Variants in DMD observed in about 807,000 individuals in gnomAD.
DMD encodes the protein dystrophin, also known as mutant dystrophin.
A neutral mutation model predicts 330.1 loss-of-function variants in DMD; 63 were observed. That is an observed-to-expected ratio of 0.19 (90% CI 0.16 to 0.24). DMD has a LOEUF of 0.24. DMD is among the 10% of genes least tolerant of loss of function. The pLI is 1.00. For synonymous variants in DMD, 1,223 were observed against 959.8 expected (o/e 1.27, Z -5.07); for missense variants, 3,344 against 2,684.1 (o/e 1.25, Z -5.43).
At chrX:31,767,159 CCAAA>C (rs1569373024) in intron 51 of DMD, among the ~76,000 whole-genome samples, 2 of 111,489 alleles carry the variant, frequency 1.8e-5, no homozygotes, top group African/African-American at 6.5e-5. Context: ...ATATCTTCAG[CCAAA>C]CAGATTACAA....
chrX:32,069,565 A>G (rs12688349), intron 44 of DMD, among the ~76,000 whole-genome samples: 2 of 111,870 alleles, frequency 1.8e-5, no homozygotes, highest in African/African-American at 3.2e-5. Context: ...ATGCTTTTCT[A>G]TAACATAGTT....
intron 2 of DMD, among the ~76,000 whole-genome samples, chrX:32,979,103 A>G (rs2092635107): frequency 2.7e-5 from 3 of 112,232 alleles, no homozygotes; most frequent in Admixed American, 1.9e-4. Flanking sequence ...AATTACCAAC[A>G]TATGATCTCC....
At chrX:31,604,346 G>A (rs1431292944) in intron 55 of DMD, among the ~76,000 whole-genome samples, 1 of 111,303 alleles carries the variant, frequency 9.0e-6, no homozygotes, top group Admixed American at 9.6e-5. Flanking sequence ...CTGATAAGTG[G>A]ATTCAATGAT....
At chrX:33,098,827 G>A (rs2095205289) in intron 1 of DMD, among the ~76,000 whole-genome samples, 1 of 111,554 alleles carries the variant, frequency 9.0e-6, no homozygotes, top group Non-Finnish European at 1.9e-5. Context: ...CCATTGGCTG[G>A]AACAGGACCA....
chrX:31,181,085 G>C (rs1000121569), intron 68 of DMD, among the ~76,000 whole-genome samples: 2 of 111,703 alleles, frequency 1.8e-5, no homozygotes, highest in Non-Finnish European at 3.8e-5. Flanking sequence ...ACCTACAAAT[G>C]ATAACTGAAG....
intron 62 of DMD, among the ~76,000 whole-genome samples, chrX:31,309,504 T>G (rs1472635025): frequency 8.9e-6 from 1 of 111,757 alleles, no homozygotes; most frequent in Non-Finnish European, 1.9e-5. Context: ...CTCCTTTTTT[T>G]CCCCTCTTGC....
intron 2 of DMD, among the ~76,000 whole-genome samples, chrX:32,983,904 T>C (rs1400932683): frequency 9.0e-6 from 1 of 111,546 alleles, no homozygotes; most frequent in East Asian, 2.8e-4. Context: ...AGCAATCTTA[T>C]TTTTAAAAAA....
At chrX:31,687,291 A>G (rs2082747706) in intron 52 of DMD, among the ~76,000 whole-genome samples, 1 of 110,720 alleles carries the variant, frequency 9.0e-6, no homozygotes, top group Non-Finnish European at 1.9e-5. Context: ...GTAGACAGAA[A>G]AGTAAAGGGG....
At chrX:32,378,058 C>T (rs1215074349) in intron 34 of DMD, among the ~76,000 whole-genome samples, 1 of 110,293 alleles carries the variant, frequency 9.1e-6, no homozygotes, top group Non-Finnish European at 1.9e-5. Flanking sequence ...ACCTTTATGA[C>T]CCTCCCATTT....
At chrX:32,167,579 A>AGTT (rs1049027925) in intron 44 of DMD, among the ~76,000 whole-genome samples, 1 of 112,390 alleles carries the variant, frequency 8.9e-6, no homozygotes, top group African/African-American at 3.2e-5. Context: ...AGTTAGTCTG[A>AGTT]GTTACAAATG....
At chrX:32,383,636 TG>T (rs1358106076) in intron 33 of DMD, among the ~76,000 whole-genome samples, 1 of 110,777 alleles carries the variant, frequency 9.0e-6, no homozygotes, top group Non-Finnish European at 1.9e-5. Context: ...CTGTATTCTG[TG>T]ATACTATTAA....
chrX:31,321,576 T>C (rs1601849513), intron 62 of DMD, among the ~76,000 whole-genome samples: 1 of 30,388 alleles, frequency 3.3e-5, no homozygotes. Flanking sequence ...AGAGTGAAAC[T>C]CCATCTCAAA....
At chrX:31,642,748 G>C (rs2079846306) in intron 54 of DMD, among the ~76,000 whole-genome samples, 1 of 111,527 alleles carries the variant, frequency 9.0e-6, no homozygotes, top group African/African-American at 3.3e-5. Context: ...AAGAAATAAA[G>C]TTGACCACAG....
intron 11 of DMD, among the ~76,000 whole-genome samples, chrX:32,627,991 G>C (rs185207923): frequency 9.1e-6 from 1 of 109,964 alleles, no homozygotes; most frequent in Admixed American, 9.7e-5. Flanking sequence ...TATGACATTA[G>C]GGTTAATAGG....
At chrX:32,288,895 C>A (rs941009635) in intron 42 of DMD, among the ~76,000 whole-genome samples, 6 of 111,015 alleles carry the variant, frequency 5.4e-5, no homozygotes, top group Non-Finnish European at 9.4e-5. Flanking sequence ...TTCCTGTGAA[C>A]CTGCCAGTGA....
chrX:33,076,927 G>T (rs1372837100), intron 1 of DMD, among the ~76,000 whole-genome samples: 1 of 111,413 alleles, frequency 9.0e-6, no homozygotes, highest in Non-Finnish European at 1.9e-5. Flanking sequence ...AGGATAACTT[G>T]GTGGGTGGGG....
rs183427207 is a variant in DMD, at chrX:32,925,771, C to T, written c.94-75951G>A. On this transcript the variant is annotated intron_variant, in intron 2 of 78. Transcript: ENST00000357033. ...AAACGTTATAATCTTCAAGAAAAGG[C>T]TACAACTATGAAAAAGAGCATTGGT... Among the ~76,000 whole-genome samples, 4 of 111,659 alleles carry T rather than the reference C, an allele frequency of 3.6e-5. No individual in the cohort carries two copies. In the East Asian group the frequency reaches 1.1e-3, roughly 31 times the overall value.
chrX:32,623,009 A>G (rs5927089), intron 11 of DMD, among the ~76,000 whole-genome samples: 35,966 of 111,055 alleles, frequency 0.32, 6,757 homozygotes, highest in African/African-American at 0.72. Flanking sequence ...TACTACTGCT[A>G]AAACTCAGAA....
intron 16 of DMD, among the ~76,000 whole-genome samples, chrX:32,560,331 T>C (rs1394383668): frequency 4.5e-5 from 5 of 111,397 alleles, no homozygotes; most frequent in Admixed American, 2.9e-4. Flanking sequence ...AGCATATGAC[T>C]AATATACCCT....
Sources: allele counts gnomAD v4.1 joint callset (sites outside exome capture counted in the v4.1 genomes callset), GRCh38; gene constraint gnomAD v4.1.1; transcripts MANE v1.5; gene names NCBI Gene and HGNC (gene_info 2026-07-23, HGNC 2026-07-21).